Variants in CUX1 observed in about 807,000 individuals in gnomAD.
The protein encoded by CUX1 is cut like homeobox 1.
Under a neutral mutation model 158.8 loss-of-function variants are expected in CUX1, and 31 were observed. That is an observed-to-expected ratio of 0.20 (90% CI 0.15 to 0.26). The LOEUF is 0.26. Among genes scored for constraint, CUX1 ranks in the 10% least tolerant of loss-of-function variants. The pLI is 1.00. For missense variants in CUX1, 1,589 were observed against 2,014.6 expected, an observed-to-expected ratio of 0.79 and a Z score of 4.04; for synonymous variants, 879 against 862.1, an observed-to-expected ratio of 1.02 and a Z score of -0.34.
At chr7:102,194,852 A>G (rs187738109) in intron 13 of CUX1, among the ~76,000 whole-genome samples, 1 of 144,754 alleles carries the variant, frequency 6.9e-6, no homozygotes, top group African/African-American at 2.9e-5. Context: ...GTGAAACCCT[A>G]TCTCTGCCAA....
At position 102,132,282 on chromosome 7, in the gene CUX1, T is replaced by TGA. The variant is rs1229139014; in HGVS notation, c.674+17019_674+17020dup. On this transcript the variant is annotated intron_variant, in intron 8 of 23. Transcript: ENST00000292535. The stretch of plus-strand genomic sequence containing the variant: ...CTGGCAAAAATATTTGCAATATATA[T>TGA]GAGAGAGAGAGTGTGTGTGTGTGTG... Among the ~76,000 whole-genome samples the TGA allele has an allele frequency of 2.0e-4, 27 of 133,722 alleles. 1 individual carries two copies. Among genetic ancestry groups the TGA allele is most frequent in the African/African-American group, 5.0e-4 (18 of 35,858 alleles). 87.7% of individuals were successfully genotyped at this position (133,722 alleles called of 152,430 possible).
intron 1 of CUX1, among the ~76,000 whole-genome samples, chr7:101,905,173 A>C (rs1802617175): frequency 6.6e-6 from 1 of 152,154 alleles, no homozygotes; most frequent in Non-Finnish European, 1.5e-5. Context: ...TGTCTCGTAT[A>C]AACTATGGCA....
intron 3 of CUX1, among the ~76,000 whole-genome samples, chr7:102,035,019 G>A (rs1821261183): frequency 6.7e-6 from 1 of 149,740 alleles, no homozygotes; most frequent in Admixed American, 6.7e-5. Context: ...CTTCTTTAAT[G>A]TGGTAAAAGG....
chr7:102,217,893 G>A lies in CUX1; in HGVS notation c.3131-9474G>A, dbSNP rs185326456. ...ATGGATGCGATGGTGTCTAGAGGGA[G>A]GGAGGATCTGGATGGACACGATGGT... is the stretch of plus-strand genomic sequence containing the variant. On this transcript the variant is annotated intron_variant, in intron 20 of 23. Transcript: ENST00000292535. 9.2e-5 allele frequency among the ~76,000 whole-genome samples: 14 copies of A among 151,694 alleles called. No homozygotes were observed. The East Asian group carries it at 2.3e-3, about 25-fold the overall frequency.
chr7:102,203,294 C>T (rs1009598857), intron 18 of CUX1, among the ~76,000 whole-genome samples: 2 of 152,180 alleles, frequency 1.3e-5, no homozygotes, highest in East Asian at 3.9e-4. Context: ...CTAAAAGGCA[C>T]CTTCCTGAGG....
intron 11 of CUX1, among the ~76,000 whole-genome samples, chr7:102,189,031 G>C (rs895338075): frequency 3.3e-5 from 5 of 152,074 alleles, no homozygotes; most frequent in African/African-American, 1.2e-4. Flanking sequence ...AAGCCACCAA[G>C]CACTCGACTG....
At chr7:101,973,554 G>A (rs916600605) in intron 2 of CUX1, among the ~76,000 whole-genome samples, 9 of 152,124 alleles carry the variant, frequency 5.9e-5, no homozygotes, top group Non-Finnish European at 1.5e-5. Context: ...CATACTGCGT[G>A]CATTCAATTA....
intron 10 of CUX1, among the ~76,000 whole-genome samples, chr7:102,175,875 G>A (rs1792261650): frequency 5.3e-5 from 8 of 152,244 alleles, no homozygotes; most frequent in Admixed American, 5.2e-4. Context: ...CATTTAAAAT[G>A]TCACCGAAAT....
chr7:101,907,851 G>A (rs1802936181), intron 1 of CUX1, among the ~76,000 whole-genome samples: 1 of 152,114 alleles, frequency 6.6e-6, no homozygotes, highest in South Asian at 2.1e-4. Flanking sequence ...AGACTCAGTG[G>A]CTTACCCCTG....
intron 1 of CUX1, among the ~76,000 whole-genome samples, chr7:101,870,450 C>T (rs1032985601): frequency 4.6e-5 from 7 of 152,150 alleles, no homozygotes; most frequent in Admixed American, 4.6e-4. Context: ...GGATTACAGG[C>T]ATGAGACATT....
intron 1 of CUX1, among the ~76,000 whole-genome samples, chr7:101,892,341 A>G (rs1177229946): frequency 6.6e-6 from 1 of 152,224 alleles, no homozygotes; most frequent in Non-Finnish European, 1.5e-5. Flanking sequence ...TAATCTGGAA[A>G]GAAAATGTTA....
intron 2 of CUX1, among the ~76,000 whole-genome samples, chr7:101,979,030 G>T (rs371322608): frequency 4.6e-5 from 7 of 152,342 alleles, no homozygotes; most frequent in African/African-American, 1.7e-4. Context: ...CCAGAGGGGC[G>T]CTGCCTGGTG....
At chr7:101,922,020 A>G (rs1209863700) in intron 2 of CUX1, among the ~76,000 whole-genome samples, 1 of 151,986 alleles carries the variant, frequency 6.6e-6, no homozygotes, top group East Asian at 1.9e-4. Flanking sequence ...TGGGAGGCCG[A>G]GGTGGGAGGA....
intron 1 of CUX1, among the ~76,000 whole-genome samples, chr7:101,914,725 C>T (rs1803972857): frequency 6.6e-6 from 1 of 152,048 alleles, no homozygotes. Flanking sequence ...TCTCAAACTC[C>T]TGACCTCGGG....
chr7:101,982,715 A>G (rs1452179129), intron 2 of CUX1, among the ~76,000 whole-genome samples: 1 of 151,636 alleles, frequency 6.6e-6, no homozygotes, highest in Non-Finnish European at 1.5e-5. Context: ...GTGTGAGCCA[A>G]CAGGGACTTT....
chr7:102,241,290 T>C lies in CUX1; in HGVS notation c.3887+1706T>C, dbSNP rs139054042. Among the ~76,000 whole-genome samples the C allele has an allele frequency of 3.5e-4, 53 of 152,296 alleles. No individual in the cohort carries two copies. The East Asian group carries it at 9.5e-3, about 27-fold the overall frequency. On this transcript the variant is annotated intron_variant, in intron 23 of 23. Transcript: ENST00000292535. The stretch of plus-strand genomic sequence containing the variant: ...TGATCATAGCTATAACCATACTCTC[T>C]GCTGCTAGAAACCAAGAATTCCAGG...
At chr7:102,073,369 C>T (rs1428109669) in intron 4 of CUX1, among the ~76,000 whole-genome samples, 1 of 151,672 alleles carries the variant, frequency 6.6e-6, no homozygotes, top group Non-Finnish European at 1.5e-5. Context: ...GACGGGGTTT[C>T]GCCATGTTGG....
chr7:102,283,416 T>A (rs908334972), exon 23 of CUX1: 69 of 360,678 alleles, frequency 1.9e-4, no homozygotes, highest in African/African-American at 1.3e-3. Context: ...GCGAGGCTAA[T>A]TGGGTGACCA....
At chr7:101,885,407 AAGAGAGAAG>A in intron 1 of CUX1, among the ~76,000 whole-genome samples, 1 of 152,046 alleles carries the variant, frequency 6.6e-6, no homozygotes, top group Admixed American at 6.5e-5. Context: ...TCAGAAGGGG[AAGAGAGAAG>A]AGAGAGAGAA....
Sources: gnomAD v4.1 joint callset for allele counts (sites outside exome capture counted in the v4.1 genomes callset) on GRCh38, gnomAD v4.1.1 for gene constraint, MANE v1.5 for transcripts, NCBI Gene and HGNC (gene_info 2026-07-23, HGNC 2026-07-21) for gene names.